The following NUP98 variants were observed in gnomAD, a reference collection of about 807,000 sequenced individuals.
NUP98 encodes the protein nucleoporin 98 and 96 precursor.
A neutral mutation model predicts 191.9 loss-of-function variants in NUP98; 26 were observed. The ratio of observed to expected loss-of-function variants is 0.14; its 90% CI spans 0.10 to 0.19. The LOEUF is 0.19. Among genes scored for constraint, NUP98 ranks in the 10% least tolerant of loss-of-function variants. The pLI, the probability that NUP98 is intolerant of heterozygous loss-of-function variation, is 1.00. For missense variants in NUP98, 1,941 were observed against 2,178.8 expected, an observed-to-expected ratio of 0.89 and a Z score of 2.17; for synonymous variants, 808 against 778.4, an observed-to-expected ratio of 1.04 and a Z score of -0.63.
chr11:3,795,502 G>C (rs2082498150), intron 1 of NUP98, among the ~76,000 whole-genome samples: 2 of 152,118 alleles, frequency 1.3e-5, no homozygotes, highest in South Asian at 4.1e-4. Context: ...CATATAAACA[G>C]CAGGAACTAT....
chr11:3,725,636 C>G (rs1047163514), intron 14 of NUP98, among the ~76,000 whole-genome samples: 1 of 152,134 alleles, frequency 6.6e-6, no homozygotes, highest in African/African-American at 2.4e-5. Context: ...ATAGTGCTGT[C>G]TTGAATGAAA....
chr11:3,779,467 C>A (rs1255745771), intron 2 of NUP98, among the ~76,000 whole-genome samples: 4 of 150,282 alleles, frequency 2.7e-5, no homozygotes, highest in Non-Finnish European at 4.5e-5. Context: ...CATGGAGAAA[C>A]CCCGTTTCTA....
intron 4 of NUP98, among the ~76,000 whole-genome samples, chr11:3,778,198 CAAAA>C (rs71302029): frequency 5.0e-5 from 3 of 60,514 alleles, no homozygotes; most frequent in Non-Finnish European, 6.5e-5. Flanking sequence ...GACTCCATCT[CAAAA>C]AAAAAAAAAA....
rs1388681065 is a variant in NUP98, at chr11:3,688,820, C to CATATACATAT, written c.4454+2526_4454+2527insATATGTATAT. Among the ~76,000 whole-genome samples the CATATACATAT allele has an allele frequency of 3.2e-3, 436 of 136,266 alleles. 1 individual carries two copies. Among genetic ancestry groups the CATATACATAT allele is most frequent in the African/African-American group, 0.012 (420 of 35,662 alleles). 89.4% of individuals were successfully genotyped at this position (136,266 alleles called of 152,430 possible). On this transcript the variant is annotated intron_variant, in intron 28 of 32. Coordinates refer to ENST00000324932, the MANE Select transcript of NUP98 (RefSeq NM_016320.5). ...AAATATATATATGTATTTAAATATA[C>CATATACATAT]ATATATATATATATATATATATTTA... is the stretch of plus-strand genomic sequence containing the variant.
At chr11:3,712,182 G>C in intron 20 of NUP98, 2 of 1,070,926 alleles carry the variant, frequency 1.9e-6, no homozygotes, top group Non-Finnish European at 2.3e-6. Context: ...AAAAACCATG[G>C]AGGTAAAGAA....
At chr11:3,748,106 G>A (rs1457309918) in intron 11 of NUP98, among the ~76,000 whole-genome samples, 2 of 152,082 alleles carry the variant, frequency 1.3e-5, no homozygotes, top group African/African-American at 2.4e-5. Context: ...GAGAACTGTT[G>A]AAGAAAAACA....
At chr11:3,753,676 C>T (rs926396061) in intron 10 of NUP98, among the ~76,000 whole-genome samples, 2 of 138,920 alleles carry the variant, frequency 1.4e-5, no homozygotes, top group East Asian at 2.2e-4. Flanking sequence ...TTTGGGAGGC[C>T]GAGGCTGACA....
rs1276050635 is a variant in NUP98 at position 3,684,998 on chromosome 11, G to C, written c.4676+975C>G. 2.1e-5 allele frequency among the ~76,000 whole-genome samples: 3 copies of C among 143,884 alleles called. No homozygotes were observed. The East Asian group carries it at 6.3e-4, about 30-fold the overall frequency. The allele number at this position is 143,884 out of a possible 152,430, so 94.4% of individuals were successfully genotyped here. A position where few individuals can be genotyped will look rare whatever the true frequency, so the allele number is the denominator to read the frequency against. ...AACCTCACTCTGCCATTTACTAGCT[G>C]TGTGACCTTGGACAAAAGTTAAGCT... On this transcript the variant is annotated intron_variant, in intron 29 of 32. Transcript: ENST00000324932.
rs574444619 is a variant in NUP98 at position 3,759,335 on chromosome 11, G to A, written c.1174+1204C>T. Among the ~76,000 whole-genome samples the A allele has an allele frequency of 4.6e-5, 7 of 152,288 alleles. No homozygotes were observed. The East Asian group carries it at 1.2e-3, about 25-fold the overall frequency. ...ATATTGACTGGGTGTGGTGGCTCAT[G>A]CCTATAATCCCAGCACTTTGGGAGG... On this transcript the variant is annotated intron_variant, in intron 10 of 32. Coordinates refer to ENST00000324932, the MANE Select transcript of NUP98 (RefSeq NM_016320.5).
intron 11 of NUP98, among the ~76,000 whole-genome samples, chr11:3,749,614 C>T (rs1467826099): frequency 6.6e-6 from 1 of 152,040 alleles, no homozygotes; most frequent in East Asian, 1.9e-4. Context: ...ACGAGAGAAA[C>T]TCGGTCTCTA....
At chr11:3,692,225 A>G (rs1270058564) in intron 27 of NUP98, among the ~76,000 whole-genome samples, 2 of 151,426 alleles carry the variant, frequency 1.3e-5, no homozygotes, top group African/African-American at 2.4e-5. Context: ...GCTACTCAGG[A>G]GGCTGGGGCC....
chr11:3,754,225 G>A (rs1041197496), intron 10 of NUP98, among the ~76,000 whole-genome samples: 4 of 151,768 alleles, frequency 2.6e-5, no homozygotes, highest in Admixed American at 2.0e-4. Context: ...TCAAGAGTTC[G>A]AGAACAGCCT....
chr11:3,693,718 C>T (rs540475079), intron 26 of NUP98, among the ~76,000 whole-genome samples: 34 of 152,218 alleles, frequency 2.2e-4, no homozygotes, highest in Middle Eastern at 6.8e-3. Context: ...TCAATCAGTA[C>T]TCAAATGAGA....
At chr11:3,752,726 G>A (rs1172477581) in intron 11 of NUP98, among the ~76,000 whole-genome samples, 1 of 152,142 alleles carries the variant, frequency 6.6e-6, no homozygotes, top group Non-Finnish European at 1.5e-5. Context: ...TAGTTTTACT[G>A]TACATGCTAA....
At chr11:3,735,558 T>C (rs190947865) in intron 12 of NUP98, among the ~76,000 whole-genome samples, 2 of 152,162 alleles carry the variant, frequency 1.3e-5, no homozygotes, top group East Asian at 1.9e-4. Flanking sequence ...ACAATACTCA[T>C]ATAAATTCAC....
intron 1 of NUP98, among the ~76,000 whole-genome samples, chr11:3,789,470 C>CT (rs1205779866): frequency 7.3e-6 from 1 of 137,284 alleles, no homozygotes; most frequent in Non-Finnish European, 1.6e-5. Context: ...AACTATCCAT[C>CT]TTTTTAATTT....
chr11:3,769,012 CAAGAT>C lies in NUP98; in HGVS notation c.785-273_785-269del, dbSNP rs770626947. Among the ~76,000 whole-genome samples the C allele has an allele frequency of 3.6e-4, 55 of 152,268 alleles. 1 individual carries two copies. Among genetic ancestry groups the C allele is most frequent in the Admixed American group, 2.6e-3 (40 of 15,288 alleles). On this transcript the variant is annotated intron_variant, in intron 7 of 32. Coordinates refer to ENST00000324932, the MANE Select transcript of NUP98 (RefSeq NM_016320.5). ...AAGTCCACAGCTTCCTTCTGTTTTACAAGATAATACACTAGAAGTCAGCATGTGTA... is the reference window on the plus strand; with the variant it reads ...AAGTCCACAGCTTCCTTCTGTTTTACAATACACTAGAAGTCAGCATGTGTA...
intron 8 of NUP98, among the ~76,000 whole-genome samples, chr11:3,767,418 C>T (rs1191420770): frequency 1.3e-5 from 2 of 151,940 alleles, no homozygotes; most frequent in African/African-American, 4.8e-5. Flanking sequence ...ACCTCTGCCT[C>T]CCCCTGGGTT....
chr11:3,722,832 C>A (rs956423596), intron 16 of NUP98, among the ~76,000 whole-genome samples: 2 of 151,944 alleles, frequency 1.3e-5, no homozygotes, highest in African/African-American at 4.8e-5. Flanking sequence ...AACAAACAAA[C>A]AAAAAACAAT....
Sources: gnomAD v4.1 joint callset for allele counts (sites outside exome capture counted in the v4.1 genomes callset) on GRCh38, gnomAD v4.1.1 for gene constraint, MANE v1.5 for transcripts, NCBI Gene and HGNC (gene_info 2026-07-23, HGNC 2026-07-21) for gene names.